Variants in LRRC4C observed in about 807,000 individuals in gnomAD.
LRRC4C encodes the protein leucine rich repeat containing 4C.
A neutral mutation model predicts 33.6 loss-of-function variants in LRRC4C; 5 were observed. The observed-to-expected ratio is 0.15, with a 90% CI of 0.08 to 0.31. The LOEUF (loss-of-function observed/expected upper bound fraction) is 0.31. Ranked by LOEUF, LRRC4C falls within the 10% of genes least tolerant of loss-of-function variation. The pLI is 1.00. For synonymous variants in LRRC4C, 329 were observed against 302.0 expected (o/e 1.09, Z -0.93); for missense variants, 560 against 796.7 (o/e 0.70, Z 3.58).
chr11:40,375,591 C>G (rs1389947342), intron 3 of LRRC4C, among the ~76,000 whole-genome samples: 1 of 152,134 alleles, frequency 6.6e-6, no homozygotes, highest in Non-Finnish European at 1.5e-5. Flanking sequence ...AAAGGTGAGC[C>G]TTGAACCGTT....
chr11:40,709,984 T>C (rs1424653997), intron 2 of LRRC4C, among the ~76,000 whole-genome samples: 1 of 152,220 alleles, frequency 6.6e-6, no homozygotes, highest in Non-Finnish European at 1.5e-5. Context: ...TCAAATTGGC[T>C]AGTGAAGCTT....
chr11:41,433,246 G>GA (rs1248447449), intron 1 of LRRC4C, among the ~76,000 whole-genome samples: 5 of 151,914 alleles, frequency 3.3e-5, no homozygotes, highest in Non-Finnish European at 5.9e-5. Flanking sequence ...TTGTTTTTCA[G>GA]AAAAAAATAA....
chr11:40,287,578 A>G (rs562034425), intron 4 of LRRC4C, among the ~76,000 whole-genome samples: 6 of 152,256 alleles, frequency 3.9e-5, no homozygotes, highest in Admixed American at 2.0e-4. Flanking sequence ...AGATCAGCCT[A>G]ATTAAATTTC....
intron 1 of LRRC4C, among the ~76,000 whole-genome samples, chr11:41,371,114 G>A (rs112933970): frequency 0.012 from 1,769 of 151,990 alleles, 38 homozygotes; most frequent in African/African-American, 0.04. Context: ...GTTCTCAGCC[G>A]CCTTGATATA....
Position 41,227,776 on chromosome 11 carries a change from C to T in LRRC4C, c.-496+231655G>A, listed in dbSNP as rs553455990. Among the ~76,000 whole-genome samples the T allele has an allele frequency of 1.4e-4, 22 of 152,244 alleles. No individual in the cohort carries two copies. In the South Asian group the frequency reaches 4.4e-3, roughly 30 times the overall value. On this transcript the variant is annotated intron_variant, in intron 1 of 6. Transcript: ENST00000528697. The stretch of plus-strand genomic sequence containing the variant: ...TCTACCTTTCTCCTCAGAGTGAAAG[C>T]CATTATTCTTTAGTTGGTATGTATC...
At chr11:40,624,662 A>G (rs1011384399) in intron 3 of LRRC4C, among the ~76,000 whole-genome samples, 5 of 152,286 alleles carry the variant, frequency 3.3e-5, no homozygotes, top group African/African-American at 1.2e-4. Flanking sequence ...CTAGTGGCAC[A>G]TACACTTGGC....
At chr11:41,155,108 T>C (rs1186737011) in intron 1 of LRRC4C, among the ~76,000 whole-genome samples, 1 of 152,152 alleles carries the variant, frequency 6.6e-6, no homozygotes, top group Non-Finnish European at 1.5e-5. Flanking sequence ...GTCAGCTTTG[T>C]CTGTCTCTGA....
chr11:40,551,592 C>T (rs564679328), intron 3 of LRRC4C, among the ~76,000 whole-genome samples: 2 of 152,184 alleles, frequency 1.3e-5, no homozygotes, highest in African/African-American at 4.8e-5. Flanking sequence ...GTTTTCTCCC[C>T]TGTACTCCAT....
chr11:40,462,098 G>C (rs568700281), intron 3 of LRRC4C, among the ~76,000 whole-genome samples: 1 of 152,046 alleles, frequency 6.6e-6, no homozygotes, highest in East Asian at 1.9e-4. Context: ...TATAGTGTTT[G>C]TAAATGGCCC....
intron 3 of LRRC4C, among the ~76,000 whole-genome samples, chr11:40,458,337 A>C (rs940653177): frequency 1.3e-5 from 2 of 152,164 alleles, no homozygotes; most frequent in Non-Finnish European, 2.9e-5. Context: ...TATCTATATA[A>C]ACCCTTGTAA....
At chr11:40,863,576 C>A (rs75540690) in intron 2 of LRRC4C, among the ~76,000 whole-genome samples, 1 of 151,976 alleles carries the variant, frequency 6.6e-6, no homozygotes, top group Non-Finnish European at 1.5e-5. Flanking sequence ...AGGAAGTAAA[C>A]GCAAGGAAGA....
chr11:40,486,323 A>C (rs906336109), intron 3 of LRRC4C, among the ~76,000 whole-genome samples: 1 of 152,032 alleles, frequency 6.6e-6, no homozygotes, highest in South Asian at 2.1e-4. Context: ...TAGGGGAAAA[A>C]GTTAAAACAT....
chr11:41,238,831 T>A (rs1948128201), intron 1 of LRRC4C, among the ~76,000 whole-genome samples: 1 of 152,148 alleles, frequency 6.6e-6, no homozygotes, highest in Non-Finnish European at 1.5e-5. Context: ...GGACAAAGGT[T>A]ATCGTTCCTC....
intron 3 of LRRC4C, among the ~76,000 whole-genome samples, chr11:40,636,866 G>T (rs1308318053): frequency 6.6e-6 from 1 of 152,082 alleles, no homozygotes; most frequent in Non-Finnish European, 1.5e-5. Context: ...TTGGCAAGGT[G>T]CTATGCTACC....
chr11:40,545,871 A>C lies in LRRC4C; in HGVS notation c.-270+102271T>G, dbSNP rs185748370. On this transcript the variant is annotated intron_variant, in intron 3 of 6. Transcript: ENST00000528697. ...GCACTGGAAACTTCATCAGTCATTA[A>C]AAAATAGAGCAACTTGTCATTACGT... is the stretch of plus-strand genomic sequence containing the variant. Among the ~76,000 whole-genome samples, 226 of 152,102 alleles carry C rather than the reference A, an allele frequency of 1.5e-3. 1 individual carries two copies. Among genetic ancestry groups the C allele is most frequent in the African/African-American group, 5.3e-3 (221 of 41,528 alleles).
intron 4 of LRRC4C, among the ~76,000 whole-genome samples, chr11:40,252,723 T>C (rs538184429): frequency 6.6e-6 from 1 of 152,272 alleles, no homozygotes; most frequent in Admixed American, 6.5e-5. Context: ...AAGTAGAAAA[T>C]TCCTATATGG....
chr11:40,812,374 G>A (rs1409793236), intron 2 of LRRC4C, among the ~76,000 whole-genome samples: 1 of 152,084 alleles, frequency 6.6e-6, no homozygotes, highest in East Asian at 1.9e-4. Context: ...GAATGTATCA[G>A]CAGATTATGT....
intron 2 of LRRC4C, among the ~76,000 whole-genome samples, chr11:40,728,184 T>G (rs1947381375): frequency 6.6e-6 from 1 of 152,146 alleles, no homozygotes; most frequent in Non-Finnish European, 1.5e-5. Context: ...GAAATGGCTA[T>G]ACACTCTTGG....
At chr11:41,123,852 CTT>C (rs1157561718) in intron 1 of LRRC4C, among the ~76,000 whole-genome samples, 7 of 152,188 alleles carry the variant, frequency 4.6e-5, no homozygotes, top group Non-Finnish European at 8.8e-5. Flanking sequence ...CGTGTAAACT[CTT>C]TTCCTGCTAA....
Sources: gnomAD v4.1 joint callset for allele counts (sites outside exome capture counted in the v4.1 genomes callset) on GRCh38, gnomAD v4.1.1 for gene constraint, MANE v1.5 for transcripts, NCBI Gene and HGNC (gene_info 2026-07-23, HGNC 2026-07-21) for gene names.